Variants in ABTB3 observed in about 807,000 individuals in gnomAD.
ABTB3 encodes ankyrin repeat and BTB domain containing 3.
At chr12:107,428,640 T>C in the ABTB3 span, among the ~76,000 whole-genome samples, 1 of 152,212 alleles carries the variant, frequency 6.6e-6, no homozygotes, top group Non-Finnish European at 1.5e-5. Context: ...AGCTCTCTGC[T>C]CTTTCTCTTG....
the ABTB3 span, among the ~76,000 whole-genome samples, chr12:107,340,605 T>C: frequency 3.8e-3 from 573 of 152,258 alleles, 3 homozygotes; most frequent in African/African-American, 0.013. Context: ...CTCCTCGTTT[T>C]TTTTTCAGTT....
At chr12:107,564,086 C>CTGTGTGTG in the ABTB3 span, among the ~76,000 whole-genome samples, 1 of 107,696 alleles carries the variant, frequency 9.3e-6, no homozygotes, top group African/African-American at 4.1e-5. Context: ...CTCTATCTAT[C>CTGTGTGTG]TCTCTGTGTG....
At chr12:107,560,504 C>T in the ABTB3 span, among the ~76,000 whole-genome samples, 2 of 152,002 alleles carry the variant, frequency 1.3e-5, no homozygotes, top group African/African-American at 4.8e-5. Context: ...TCTAGAGCAA[C>T]AGTAATGATC....
At chr12:107,489,375 C>A in the ABTB3 span, among the ~76,000 whole-genome samples, 5 of 152,194 alleles carry the variant, frequency 3.3e-5, no homozygotes, top group East Asian at 9.7e-4. Flanking sequence ...ACAAAACCAG[C>A]CGGGCGTGGT....
the ABTB3 span, among the ~76,000 whole-genome samples, chr12:107,462,460 A>G: frequency 2.6e-5 from 4 of 152,328 alleles, no homozygotes; most frequent in South Asian, 2.1e-4. Context: ...TAAGTTTGCA[A>G]TGGGAATGGT....
At chr12:107,321,031 G>A in the ABTB3 span, among the ~76,000 whole-genome samples, 1 of 152,200 alleles carries the variant, frequency 6.6e-6, no homozygotes, top group African/African-American at 2.4e-5. Flanking sequence ...AGCTCGCGCT[G>A]GCGGTGCTGC....
the ABTB3 span, among the ~76,000 whole-genome samples, chr12:107,516,183 G>A: frequency 6.6e-6 from 1 of 151,756 alleles, no homozygotes; most frequent in African/African-American, 2.4e-5. Flanking sequence ...CCTGATTATG[G>A]AAACATTAAA....
the ABTB3 span, among the ~76,000 whole-genome samples, chr12:107,373,805 C>T: frequency 6.6e-6 from 1 of 152,206 alleles, no homozygotes; most frequent in African/African-American, 2.4e-5. Flanking sequence ...GGGATGGCCC[C>T]GTAACTCAGC....
the ABTB3 span, among the ~76,000 whole-genome samples, chr12:107,439,037 A>G: frequency 6.6e-6 from 1 of 152,202 alleles, no homozygotes; most frequent in East Asian, 1.9e-4. Flanking sequence ...TCTGGTTGTT[A>G]ACAGCCATGG....
At chr12:107,634,367 C>T in the ABTB3 span, among the ~76,000 whole-genome samples, 1 of 152,180 alleles carries the variant, frequency 6.6e-6, no homozygotes, top group Non-Finnish European at 1.5e-5. Flanking sequence ...AAGGTAACTA[C>T]TCTATTTTTT....
the ABTB3 span, among the ~76,000 whole-genome samples, chr12:107,596,352 G>A: frequency 6.6e-6 from 1 of 152,160 alleles, no homozygotes; most frequent in African/African-American, 2.4e-5. Flanking sequence ...AGTGGCTCAC[G>A]CCTGTAATCC....
the ABTB3 span, among the ~76,000 whole-genome samples, chr12:107,460,526 G>T: frequency 9.2e-5 from 14 of 152,164 alleles, no homozygotes; most frequent in Admixed American, 7.9e-4. Context: ...GGGTGTGATG[G>T]CACGCCCCTG....
the ABTB3 span, among the ~76,000 whole-genome samples, chr12:107,534,036 TA>T: frequency 6.6e-6 from 1 of 151,974 alleles, no homozygotes; most frequent in Non-Finnish European, 1.5e-5. Flanking sequence ...TGAAGAAATT[TA>T]AAAAGAAATT....
chr12:107,347,775 G>A, the ABTB3 span, among the ~76,000 whole-genome samples: 1 of 152,236 alleles, frequency 6.6e-6, no homozygotes, highest in East Asian at 1.9e-4. Flanking sequence ...CCCCTTGATG[G>A]GAGAGTCACA....
At chr12:107,581,102 C>A in the ABTB3 span, 1 of 1,545,736 alleles carries the variant, frequency 6.5e-7, no homozygotes, top group Non-Finnish European at 8.7e-7. Flanking sequence ...GCAGCCCCTG[C>A]CTCCGGGGAG....
At chr12:107,323,661 A>G in the ABTB3 span, among the ~76,000 whole-genome samples, 1 of 152,178 alleles carries the variant, frequency 6.6e-6, no homozygotes, top group Non-Finnish European at 1.5e-5. Flanking sequence ...TGTGCTAGTC[A>G]TTGTACCTTA....
the ABTB3 span, among the ~76,000 whole-genome samples, chr12:107,342,986 C>T: frequency 6.6e-6 from 1 of 152,112 alleles, no homozygotes; most frequent in Non-Finnish European, 1.5e-5. Context: ...TCTTCTAGGG[C>T]AGGGTTTGAA....
chr12:107,520,534 C>T, the ABTB3 span: 22 of 1,614,066 alleles, frequency 1.4e-5, no homozygotes, highest in Admixed American at 3.3e-5. Context: ...AGACCCACAG[C>T]GGTCAAACAA....
the ABTB3 span, among the ~76,000 whole-genome samples, chr12:107,466,942 C>T: frequency 6.6e-6 from 1 of 152,084 alleles, no homozygotes; most frequent in South Asian, 2.1e-4. Context: ...TTCACCATAT[C>T]GTCTTTCTGA....
Sources: allele counts gnomAD v4.1 joint callset (sites outside exome capture counted in the v4.1 genomes callset), GRCh38; gene constraint gnomAD v4.1.1; transcripts MANE v1.5; gene names NCBI Gene and HGNC (gene_info 2026-07-23, HGNC 2026-07-21).